C1QTNF3: variants seen among roughly 807,000 people sequenced by gnomAD.
C1QTNF3 encodes the protein complement C1q tumor necrosis factor-related protein 3.
In C1QTNF3, 26 loss-of-function variants were observed where a neutral mutation model predicts 32.6. The observed-to-expected ratio is 0.80, with a 90% confidence interval of 0.58 to 1.11. The LOEUF (loss-of-function observed/expected upper bound fraction) is 1.11, where lower values mean the gene tolerates loss of function less well. Among genes scored for constraint, C1QTNF3 ranks in the 50% least tolerant of loss-of-function variants. The probability of loss-of-function intolerance (pLI) is 0.00; values close to 1 mark genes in which losing one functional copy is unlikely to be tolerated. For synonymous variants in C1QTNF3, 155 were observed against 146.0 expected (o/e 1.06, Z -0.44); for missense variants, 362 against 398.2 (o/e 0.91, Z 0.77).
At chr5:34,231,962 A>ATT in the C1QTNF3 span, among the ~76,000 whole-genome samples, 1 of 139,892 alleles carries the variant, frequency 7.1e-6, no homozygotes, top group African/African-American at 2.7e-5. Context: ...CAGGCACTCA[A>ATT]TCCTAGCCTG....
chr5:34,021,161 C>A (rs1317648209), intron 5 of C1QTNF3, among the ~76,000 whole-genome samples: 1 of 152,122 alleles, frequency 6.6e-6, no homozygotes, highest in African/African-American at 2.4e-5. Context: ...TTCCCCTAAC[C>A]AAGCTAGAAT....
At chr5:34,172,261 C>T in the C1QTNF3 span, among the ~76,000 whole-genome samples, 2 of 151,862 alleles carry the variant, frequency 1.3e-5, no homozygotes, top group African/African-American at 4.8e-5. Flanking sequence ...TAGTAAGAAA[C>T]TAACAACAAT....
At chr5:34,217,854 G>C in the C1QTNF3 span, among the ~76,000 whole-genome samples, 1 of 152,076 alleles carries the variant, frequency 6.6e-6, no homozygotes. Context: ...GGTATGATTC[G>C]TTTGTAGATG....
chr5:34,125,855 C>T, the C1QTNF3 span, among the ~76,000 whole-genome samples: 1 of 151,996 alleles, frequency 6.6e-6, no homozygotes, highest in African/African-American at 2.4e-5. Context: ...CTTTAATAGT[C>T]AATACTAAAT....
rs900216519 is a variant in C1QTNF3, at chr5:34,019,020, C to T, written c.*1563G>A. Reference sequence around the variant, plus strand: ...GTGGGCGCCTGTAGTCCCAGCTACTCAGGAGGCTGAGGTAGGAGAGTCACT... The same window carrying T: ...GTGGGCGCCTGTAGTCCCAGCTACTTAGGAGGCTGAGGTAGGAGAGTCACT... On this transcript the variant is annotated 3_prime_UTR_variant, in exon 6 of 6. Coordinates refer to ENST00000382065, the MANE Select transcript of C1QTNF3 (RefSeq NM_181435.6). Among the ~76,000 whole-genome samples the T allele has an allele frequency of 6.6e-6, 1 of 151,858 alleles. No individual in the cohort carries two copies. The highest frequency in any genetic ancestry group is 2.4e-5 in the African/African-American group (1 of 41,316).
the C1QTNF3 span, among the ~76,000 whole-genome samples, chr5:34,080,266 TG>T: frequency 2.0e-5 from 3 of 151,756 alleles, no homozygotes; most frequent in African/African-American, 7.3e-5. Flanking sequence ...CTGTGCAAAG[TG>T]ATGCACATAA....
At chr5:34,090,860 C>A in the C1QTNF3 span, among the ~76,000 whole-genome samples, 1 of 152,084 alleles carries the variant, frequency 6.6e-6, no homozygotes, top group Non-Finnish European at 1.5e-5. Context: ...GATTTTCCAG[C>A]CTCCAGAACT....
the C1QTNF3 span, among the ~76,000 whole-genome samples, chr5:34,207,186 C>T: frequency 6.6e-6 from 1 of 151,524 alleles, no homozygotes; most frequent in Non-Finnish European, 1.5e-5. Flanking sequence ...ATTTTTTTTT[C>T]ATTGTCGTAT....
the C1QTNF3 span, among the ~76,000 whole-genome samples, chr5:34,135,969 C>G: frequency 3.3e-5 from 5 of 151,142 alleles, no homozygotes; most frequent in South Asian, 1.1e-3. Flanking sequence ...TTCCTTACAC[C>G]TTATACAAAA....
the C1QTNF3 span, among the ~76,000 whole-genome samples, chr5:34,201,835 C>T: frequency 6.6e-6 from 1 of 152,164 alleles, no homozygotes; most frequent in Non-Finnish European, 1.5e-5. Context: ...GCTAAAATAA[C>T]TAAAGTAGCT....
chr5:34,021,740 A>T (rs1754334018), intron 5 of C1QTNF3, among the ~76,000 whole-genome samples: 1 of 152,204 alleles, frequency 6.6e-6, no homozygotes, highest in South Asian at 2.1e-4. Flanking sequence ...CATGGAGGGG[A>T]ACATCACACA....
At position 34,035,892 on chromosome 5, in the gene C1QTNF3, T is replaced by C. The variant is rs148145010; in HGVS notation, c.304-134A>G. 1,050 of 666,292 alleles carry C rather than the reference T, an allele frequency of 1.6e-3. 8 individuals carry two copies. In the African/African-American group the frequency reaches 0.017, roughly 11 times the overall value. 41.3% of individuals were successfully genotyped at this position (666,292 alleles called of 1,614,324 possible). Reference sequence around the variant, plus strand: ...CACAGCAAGATCACAAAAGATGGGATGGGGTGGAGATATCAATGGCAAAGG... The same window carrying C: ...CACAGCAAGATCACAAAAGATGGGACGGGGTGGAGATATCAATGGCAAAGG... On this transcript the variant is annotated intron_variant, in intron 1 of 5. Coordinates refer to ENST00000382065, the MANE Select transcript of C1QTNF3 (RefSeq NM_181435.6).
At chr5:34,181,730 G>GTC in the C1QTNF3 span, among the ~76,000 whole-genome samples, 118 of 150,978 alleles carry the variant, frequency 7.8e-4, no homozygotes, top group East Asian at 0.016. Flanking sequence ...AAAGCGCCAG[G>GTC]TGTGAGCGCC....
chr5:34,058,284 G>A, the C1QTNF3 span, among the ~76,000 whole-genome samples: 1 of 151,824 alleles, frequency 6.6e-6, no homozygotes, highest in Non-Finnish European at 1.5e-5. Context: ...AAGACCACGT[G>A]CTCCTGAATT....
chr5:34,210,971 T>C, the C1QTNF3 span, among the ~76,000 whole-genome samples: 1 of 152,090 alleles, frequency 6.6e-6, no homozygotes, highest in South Asian at 2.1e-4. Context: ...TGATTTGGAT[T>C]AAAATAATCT....
the C1QTNF3 span, among the ~76,000 whole-genome samples, chr5:34,161,878 G>T: frequency 1.3e-5 from 2 of 152,106 alleles, no homozygotes; most frequent in African/African-American, 4.8e-5. Flanking sequence ...AAATGTCATG[G>T]TCAGTGAGGT....
the C1QTNF3 span, among the ~76,000 whole-genome samples, chr5:34,133,012 A>G: frequency 6.6e-6 from 1 of 152,210 alleles, no homozygotes; most frequent in Admixed American, 6.5e-5. Flanking sequence ...AAAAATACGA[A>G]GACATATATG....
At chr5:34,141,285 A>T in the C1QTNF3 span, among the ~76,000 whole-genome samples, 1 of 151,882 alleles carries the variant, frequency 6.6e-6, no homozygotes, top group African/African-American at 2.4e-5. Flanking sequence ...GGCCCGGCTA[A>T]TTTTTTGTAT....
chr5:34,133,998 G>A, the C1QTNF3 span, among the ~76,000 whole-genome samples: 1 of 152,350 alleles, frequency 6.6e-6, no homozygotes, highest in East Asian at 1.9e-4. Flanking sequence ...GTAAATAGCT[G>A]TATGAACCAA....
Sources: allele counts gnomAD v4.1 joint callset (sites outside exome capture counted in the v4.1 genomes callset), GRCh38; gene constraint gnomAD v4.1.1; transcripts MANE v1.5; gene names NCBI Gene and HGNC (gene_info 2026-07-23, HGNC 2026-07-21).